The following SIPA1L1 variants were observed in gnomAD, a reference collection of about 807,000 sequenced individuals.
The protein encoded by SIPA1L1 is signal induced proliferation associated 1 like 1.
Under a neutral mutation model 162.7 loss-of-function variants are expected in SIPA1L1, and 26 were observed. The ratio of observed to expected loss-of-function variants is 0.16; its 90% CI spans 0.12 to 0.22. The LOEUF is 0.22. Ranked by LOEUF, SIPA1L1 falls within the 10% of genes least tolerant of loss-of-function variation. The probability of loss-of-function intolerance (pLI) is 1.00; values close to 1 mark genes in which losing one functional copy is unlikely to be tolerated. For synonymous variants in SIPA1L1, 829 were observed against 837.4 expected (o/e 0.99, Z 0.17); for missense variants, 1,874 against 2,241.0 (o/e 0.84, Z 3.31).
intron 10 of SIPA1L1, among the ~76,000 whole-genome samples, chr14:71,669,475 T>G (rs2044319674): frequency 6.6e-6 from 1 of 152,222 alleles, no homozygotes; most frequent in Admixed American, 6.5e-5. Flanking sequence ...AATTTTAAAG[T>G]GAAAGATATT....
chr14:71,610,321 T>G (rs938815334), intron 5 of SIPA1L1, among the ~76,000 whole-genome samples: 1 of 152,258 alleles, frequency 6.6e-6, no homozygotes, highest in Non-Finnish European at 1.5e-5. Flanking sequence ...TCCACATATC[T>G]AATTATTTCC....
At chr14:71,414,944 G>GT (rs1187523206) in intron 2 of SIPA1L1, among the ~76,000 whole-genome samples, 91 of 152,300 alleles carry the variant, frequency 6.0e-4, no homozygotes, top group African/African-American at 2.1e-3. Context: ...TAAGGGAGAC[G>GT]TATTTTATAC....
chr14:71,592,575 G>A (rs1445327182), intron 5 of SIPA1L1, among the ~76,000 whole-genome samples: 1 of 151,776 alleles, frequency 6.6e-6, no homozygotes, highest in Non-Finnish European at 1.5e-5. Context: ...TTATCACCGG[G>A]TAGTTTCCAT....
chr14:71,427,823 C>T (rs1024890695), intron 2 of SIPA1L1, among the ~76,000 whole-genome samples: 2 of 151,678 alleles, frequency 1.3e-5, no homozygotes, highest in African/African-American at 2.4e-5. Flanking sequence ...TTCTCTACAT[C>T]TTCCTTTAGT....
intron 5 of SIPA1L1, among the ~76,000 whole-genome samples, chr14:71,609,667 A>G (rs1050840280): frequency 2.0e-5 from 3 of 152,116 alleles, no homozygotes; most frequent in Non-Finnish European, 2.9e-5. Context: ...GGGTTTCACC[A>G]TGTTGGCCAG....
At chr14:71,394,402 T>C (rs922096030) in intron 2 of SIPA1L1, among the ~76,000 whole-genome samples, 3 of 152,272 alleles carry the variant, frequency 2.0e-5, no homozygotes, top group Admixed American at 6.5e-5. Context: ...GTTACCAGAA[T>C]ATTATGTCAT....
At chr14:71,682,857 A>G (rs1243586616) in intron 12 of SIPA1L1, among the ~76,000 whole-genome samples, 2 of 152,242 alleles carry the variant, frequency 1.3e-5, no homozygotes, top group South Asian at 2.1e-4. Context: ...AAAACAGCCT[A>G]TGAAAGTACT....
At chr14:71,581,900 C>G (rs1373589319) in intron 4 of SIPA1L1, among the ~76,000 whole-genome samples, 2 of 152,106 alleles carry the variant, frequency 1.3e-5, no homozygotes, top group Admixed American at 6.5e-5. Context: ...TTTGCCCTTC[C>G]TACTTTAAGC....
At chr14:71,677,496 T>C (rs2149453206) in intron 12 of SIPA1L1, among the ~76,000 whole-genome samples, 1 of 152,342 alleles carries the variant, frequency 6.6e-6, no homozygotes, top group Admixed American at 6.5e-5. Context: ...CATTTGTCTA[T>C]TTTGGCTTTT....
chr14:71,547,702 G>C (rs1466483848), intron 4 of SIPA1L1, among the ~76,000 whole-genome samples: 1 of 152,094 alleles, frequency 6.6e-6, no homozygotes, highest in Non-Finnish European at 1.5e-5. Context: ...CCACGCTGCT[G>C]GACAGTAGGA....
intron 3 of SIPA1L1, among the ~76,000 whole-genome samples, chr14:71,527,195 TG>T (rs1318474506): frequency 6.6e-6 from 1 of 152,172 alleles, no homozygotes; most frequent in Non-Finnish European, 1.5e-5. Context: ...TTGCTCTGGT[TG>T]GGATGTGGTG....
In SIPA1L1 at chr14:71,685,529, C is replaced by T; in HGVS notation, c.3272C>T (p.Ser1091Leu). The change falls in exon 13 of 24, where the codon TCG (serine) becomes TTG (leucine). Residue 1091 changes from serine (S) to leucine (L), a missense_variant. By Grantham distance (145) the Ser-to-Leu change is moderately radical (BLOSUM62 -2). Coordinates refer to ENST00000381232, the MANE Select transcript of SIPA1L1 (RefSeq NM_001386936.1). ...TCCCAGGTGCAGAGTCCCATGACCT[C>T]GCGGCTGAATGCTGGAAAAGGAGAT... ...VPSQVQSPMTSRLNAGKGDGK... is the reference protein window; with the variant it reads ...VPSQVQSPMTLRLNAGKGDGK... 7 of 1,614,186 alleles carry T rather than the reference C, an allele frequency of 4.3e-6. No individual in the cohort carries two copies. The South Asian group carries it at 4.4e-5, about 10-fold the overall frequency.
chr14:71,738,189 A>C, intron 22 of SIPA1L1, 52 bp from the exon 23 acceptor site: 2 of 960,600 alleles, frequency 2.1e-6, no homozygotes, highest in African/African-American at 1.7e-5. Flanking sequence ...AAAAAAAACA[A>C]ACCCAGCCAT....
chr14:71,415,369 A>G (rs954406370), intron 2 of SIPA1L1, among the ~76,000 whole-genome samples: 2 of 152,236 alleles, frequency 1.3e-5, no homozygotes, highest in Non-Finnish European at 2.9e-5. Flanking sequence ...GGTGGAATCT[A>G]AGATTTTTAG....
At chr14:71,650,701 A>G (rs1441785848) in intron 8 of SIPA1L1, among the ~76,000 whole-genome samples, 192 bp downstream of exon 8, 2 of 152,060 alleles carry the variant, frequency 1.3e-5, no homozygotes, top group Non-Finnish European at 2.9e-5. Context: ...CTAGAATTAG[A>G]CTCTAAAAAA....
chr14:71,355,095 T>A (rs980042815), intron 2 of SIPA1L1, among the ~76,000 whole-genome samples: 10 of 152,262 alleles, frequency 6.6e-5, no homozygotes, highest in Middle Eastern at 3.2e-3. Flanking sequence ...GCGATCTTTA[T>A]AAAGTTTTGC....
chr14:71,517,716 A>G (rs1232175179), intron 3 of SIPA1L1, among the ~76,000 whole-genome samples: 1 of 152,156 alleles, frequency 6.6e-6, no homozygotes, highest in African/African-American at 2.4e-5. Context: ...AATTTAGTCA[A>G]GCTAGTAGTG....
chr14:71,383,808 C>G (rs2040100744), intron 2 of SIPA1L1, among the ~76,000 whole-genome samples: 1 of 152,132 alleles, frequency 6.6e-6, no homozygotes, highest in Non-Finnish European at 1.5e-5. Context: ...GGATCTGCCT[C>G]CATGATCTAG....
intron 2 of SIPA1L1, among the ~76,000 whole-genome samples, chr14:71,473,964 A>G (rs796384999): frequency 4.6e-5 from 7 of 152,326 alleles, no homozygotes; most frequent in East Asian, 1.9e-4. Context: ...CAAGTGTCCT[A>G]TTTTGAATGC....
Sources: gnomAD v4.1 joint callset for allele counts (sites outside exome capture counted in the v4.1 genomes callset) on GRCh38, gnomAD v4.1.1 for gene constraint, MANE v1.5 for transcripts, NCBI Gene and HGNC (gene_info 2026-07-23, HGNC 2026-07-21) for gene names.